TMEM248: variants seen among roughly 807,000 people sequenced by gnomAD.
TMEM248 encodes the protein transmembrane protein 248.
Under a neutral mutation model 30.3 loss-of-function variants are expected in TMEM248, and 9 were observed. The ratio of observed to expected loss-of-function variants is 0.30; its 90% CI spans 0.18 to 0.52. The LOEUF (loss-of-function observed/expected upper bound fraction) is 0.52. TMEM248 is among the 20% of genes least tolerant of loss of function. TMEM248 has a pLI of 0.97. For synonymous variants in TMEM248, 184 were observed against 154.4 expected, an observed-to-expected ratio of 1.19 and a Z score of -1.42; for missense variants, 338 against 403.3, an observed-to-expected ratio of 0.84 and a Z score of 1.39.
At chr7:66,946,304 G>A (rs1232984379) in intron 3 of TMEM248, among the ~76,000 whole-genome samples, 9 of 151,920 alleles carry the variant, frequency 5.9e-5, no homozygotes, top group Non-Finnish European at 5.9e-5. Context: ...GGGCCCGTGC[G>A]CAGTGGCTCA....
rs1337238179 is a variant in TMEM248 at position 66,955,939 on chromosome 7, T to A, written c.*417T>A. 2 of 175,070 alleles carry A rather than the reference T, an allele frequency of 1.1e-5. No individual in the cohort carries two copies. The highest frequency in any genetic ancestry group is 2.4e-5 in the Non-Finnish European group (2 of 83,620). 10.8% of individuals were successfully genotyped at this position (175,070 alleles called of 1,614,324 possible). ...TATGTAGAGAACATTTGAAACAGTC[T>A]GCACCTTTGATACGGTATTGCATTT... On this transcript the variant is annotated 3_prime_UTR_variant, in exon 7 of 7. Coordinates refer to ENST00000341567, the MANE Select transcript of TMEM248 (RefSeq NM_017994.5).
chr7:66,945,944 C>T (rs1193552375), intron 3 of TMEM248, among the ~76,000 whole-genome samples: 2 of 152,106 alleles, frequency 1.3e-5, no homozygotes, highest in African/African-American at 4.8e-5. Flanking sequence ...ATTAGCCGGG[C>T]GTGGTGGCAG....
chr7:66,936,118 CA>C (rs1427908740), intron 1 of TMEM248, among the ~76,000 whole-genome samples: 1 of 152,170 alleles, frequency 6.6e-6, no homozygotes, highest in Non-Finnish European at 1.5e-5. Flanking sequence ...TGAAAGTGGG[CA>C]TCCTTTTCAT....
chr7:66,935,647 A>G (rs1340287348), intron 1 of TMEM248, among the ~76,000 whole-genome samples: 1 of 152,158 alleles, frequency 6.6e-6, no homozygotes, highest in Non-Finnish European at 1.5e-5. Flanking sequence ...GGTTCAAGGG[A>G]TTCTCATGCC....
rs879079075 is a variant in TMEM248, at chr7:66,955,695, T to A, written c.*173T>A. ...TTTGTACATATTTATAAAAATCTAT[T>A]CAGAAATTGGTCCAATAATGCACGT... is the stretch of plus-strand genomic sequence containing the variant. On this transcript the variant is annotated 3_prime_UTR_variant, in exon 7 of 7. Coordinates refer to ENST00000341567, the MANE Select transcript of TMEM248 (RefSeq NM_017994.5). The A allele has an allele frequency of 3.5e-6, 3 of 854,804 alleles. No homozygotes were observed. The South Asian group carries it at 5.6e-5, about 16-fold the overall frequency. The allele number at this position is 854,804 out of a possible 1,614,324, so 53.0% of individuals were successfully genotyped here.
intron 6 of TMEM248, among the ~76,000 whole-genome samples, chr7:66,953,820 G>C (rs1792331715): frequency 6.6e-6 from 1 of 151,790 alleles, no homozygotes; most frequent in Non-Finnish European, 1.5e-5. Context: ...TGGCCAGGCT[G>C]GTCTCAAACT....
chr7:66,933,592 A>G (rs1244859088), intron 1 of TMEM248, among the ~76,000 whole-genome samples: 1 of 152,228 alleles, frequency 6.6e-6, no homozygotes, highest in Non-Finnish European at 1.5e-5. Flanking sequence ...TTTATAACAC[A>G]GCTGTTTCCA....
intron 1 of TMEM248, among the ~76,000 whole-genome samples, chr7:66,927,804 C>T (rs73145911): frequency 0.087 from 13,296 of 152,102 alleles, 733 homozygotes; most frequent in Non-Finnish European, 0.11. Context: ...GTCTGTTCTA[C>T]ACTGTGAATT....
chr7:66,941,759 C>A, intron 1 of TMEM248, 89 bp from the exon 2 acceptor site: 1 of 1,166,774 alleles, frequency 8.6e-7, no homozygotes, highest in Admixed American at 2.5e-5. Context: ...CCACCCAGCT[C>A]ACCCCCCAAC....
At chr7:66,925,499 AT>A (rs1238309332) in intron 1 of TMEM248, among the ~76,000 whole-genome samples, 10 of 152,118 alleles carry the variant, frequency 6.6e-5, no homozygotes, top group Admixed American at 3.9e-4. Context: ...GATTCCACAT[AT>A]AAGTGGAATC....
chr7:66,954,831 T>C (rs62466579), intron 6 of TMEM248, among the ~76,000 whole-genome samples: 23,964 of 152,148 alleles, frequency 0.16, 2,315 homozygotes, highest in East Asian at 0.29. Context: ...TTTAATCATA[T>C]ACCCAAGCCT....
intron 1 of TMEM248, among the ~76,000 whole-genome samples, chr7:66,939,048 C>T (rs146002028): frequency 1.1e-3 from 162 of 152,248 alleles, no homozygotes; most frequent in African/African-American, 3.6e-3. Context: ...TGCTTTGTTT[C>T]AGGGAGATAC....
chr7:66,936,376 T>A (rs1791804974), intron 1 of TMEM248, among the ~76,000 whole-genome samples: 3 of 152,258 alleles, frequency 2.0e-5, no homozygotes, highest in African/African-American at 7.2e-5. Context: ...TCTGCATATG[T>A]TGAACCATCC....
chr7:66,926,198 C>A (rs1791520768), intron 1 of TMEM248, among the ~76,000 whole-genome samples: 1 of 152,196 alleles, frequency 6.6e-6, no homozygotes, highest in Admixed American at 6.5e-5. Flanking sequence ...GTTCGTGTCC[C>A]TTGCCCATTT....
intron 1 of TMEM248, among the ~76,000 whole-genome samples, chr7:66,927,430 T>C (rs933562632): frequency 1.1e-4 from 17 of 151,862 alleles, no homozygotes; most frequent in Non-Finnish European, 2.4e-4. Context: ...TGTAATTTCT[T>C]ATTTGATCTT....
At chr7:66,943,795 CTT>C (rs200837017) in intron 2 of TMEM248, among the ~76,000 whole-genome samples, 7 of 144,812 alleles carry the variant, frequency 4.8e-5, no homozygotes, top group African/African-American at 7.6e-5. Context: ...GCTCAGATGA[CTT>C]TTTTTTTTTT....
intron 1 of TMEM248, 76 bp from the exon 2 acceptor site, chr7:66,941,772 C>T: frequency 2.1e-6 from 3 of 1,410,372 alleles, no homozygotes; most frequent in Non-Finnish European, 2.9e-6. Context: ...CCCCCAACAC[C>T]TCAAAAGGAA....
intron 6 of TMEM248, among the ~76,000 whole-genome samples, chr7:66,953,804 C>T (rs932236469): frequency 2.0e-5 from 3 of 152,064 alleles, no homozygotes; most frequent in Non-Finnish European, 2.9e-5. Context: ...CCGGGTCTCA[C>T]CATGTTGGCC....
At chr7:66,931,200 G>A (rs1375946424) in intron 1 of TMEM248, among the ~76,000 whole-genome samples, 1 of 151,514 alleles carries the variant, frequency 6.6e-6, no homozygotes, top group Admixed American at 6.6e-5. Flanking sequence ...CTATTTGGGA[G>A]GCTGAGGTAG....
Sources: allele counts gnomAD v4.1 joint callset (sites outside exome capture counted in the v4.1 genomes callset), GRCh38; gene constraint gnomAD v4.1.1; transcripts MANE v1.5; gene names NCBI Gene and HGNC (gene_info 2026-07-23, HGNC 2026-07-21).